The following ACAA2 variants were observed in gnomAD, a reference collection of about 807,000 sequenced individuals.
ACAA2 encodes the protein acetyl-CoA acyltransferase 2, also known as 3-ketoacyl-CoA thiolase, mitochondrial.
In ACAA2, 35 loss-of-function variants were observed where a neutral mutation model predicts 44.8. The ratio of observed to expected loss-of-function variants is 0.78; its 90% confidence interval spans 0.60 to 1.04. The LOEUF (loss-of-function observed/expected upper bound fraction) is 1.04. Ranked by LOEUF, ACAA2 falls within the 50% of genes least tolerant of loss-of-function variation. ACAA2 has a pLI of 0.00. For synonymous variants in ACAA2, 142 were observed against 166.5 expected (o/e 0.85, Z 1.13); for missense variants, 468 against 482.6 (o/e 0.97, Z 0.28).
intron 2 of ACAA2, among the ~76,000 whole-genome samples, chr18:49,800,265 A>T (rs1205512089): frequency 7.7e-6 from 1 of 130,660 alleles, no homozygotes; most frequent in Non-Finnish European, 1.6e-5. Context: ...TCCGGGAGGG[A>T]GGGAGGTGGG....
chr18:49,798,492 A>G (rs2023490769), intron 2 of ACAA2, among the ~76,000 whole-genome samples: 1 of 151,996 alleles, frequency 6.6e-6, no homozygotes, highest in Non-Finnish European at 1.5e-5. Flanking sequence ...AAAAAAACCA[A>G]CAACAACCAA....
At chr18:49,795,718 T>C (rs983464146) in intron 4 of ACAA2, 47 bp downstream of exon 4, 12 of 1,207,154 alleles carry the variant, frequency 9.9e-6, no homozygotes, top group East Asian at 2.5e-5. Flanking sequence ...AAAGTACTTA[T>C]ATAATGCTAA....
chr18:49,796,966 GTA>G (rs10605509), intron 3 of ACAA2, among the ~76,000 whole-genome samples: 95,550 of 150,752 alleles, frequency 0.63, 30,548 homozygotes, highest in Middle Eastern at 0.77. Flanking sequence ...AAATATTGAA[GTA>G]TATATATATA....
At position 49,802,830 on chromosome 18, in the gene ACAA2, G is replaced by A. The variant is rs769900666; in HGVS notation, c.40C>T (p.Arg14Ter). Residue 14 changes from arginine to a stop codon, truncating the protein, a stop_gained, in exon 2 of 10, where the codon CGA becomes TGA. Transcript: ENST00000285093. LOFTEE classifies it high-confidence loss of function. ...CCTCCGTAAGCTCCAAAGGGCGTTC[G>A]CTTAGCAGCAACTACAAACACACCT... ...LRGVFVVAAKRTPFGAYGGLL... is the reference protein window; with the variant it reads ...LRGVFVVAAK 51 of 1,613,834 alleles carry A rather than the reference G, an allele frequency of 3.2e-5. No homozygotes were observed. The highest frequency in any genetic ancestry group is 4.0e-5 in the Non-Finnish European group (47 of 1,179,958).
At chr18:49,804,738 T>G (rs2023593400) in intron 1 of ACAA2, among the ~76,000 whole-genome samples, 1 of 152,204 alleles carries the variant, frequency 6.6e-6, no homozygotes, top group Non-Finnish European at 1.5e-5. Flanking sequence ...GCATCACTAT[T>G]AGTTAAATCG....
Position 49,813,450 on chromosome 18 carries a change from AGG to A in ACAA2, c.16+17_16+18del. Reference sequence around the variant, plus strand: ...CAGGACCCCGAGGGGCGAGGAGAGGAGGAGGGGGCTGCGCTCACCTCGGAGCA... The same window carrying A: ...CAGGACCCCGAGGGGCGAGGAGAGGAAGGGGGCTGCGCTCACCTCGGAGCA... On this transcript the variant is annotated intron_variant, in intron 1 of 9. Coordinates refer to ENST00000285093, the MANE Select transcript of ACAA2 (RefSeq NM_006111.3). The A allele has an allele frequency of 8.1e-7, 1 of 1,240,598 alleles. No individual in the cohort carries two copies. 76.8% of individuals were successfully genotyped at this position (1,240,598 alleles called of 1,614,324 possible). A position where few individuals can be genotyped will look rare whatever the true frequency, so the allele number is the denominator to read the frequency against.
Position 49,795,787 on chromosome 18 carries a change from G to T in ACAA2, c.407C>A (p.Thr136Asn), listed in dbSNP as rs761180171. The change falls in exon 4 of 10, where the codon ACC (threonine) becomes AAC (asparagine). Residue 136 changes from threonine to asparagine, a missense_variant. Transcript: ENST00000285093. The stretch of plus-strand genomic sequence containing the variant: ...AACCTTGATATCTGATCCAAGCTTG[G>T]TTCCAAAACGCACATTTCTGACACA... ...PYCVRNVRFG[T>N]KLGSDIKLED... 1 of 1,606,064 alleles carries T rather than the reference G, an allele frequency of 6.2e-7. No individual in the cohort carries two copies. Among genetic ancestry groups the T allele is most frequent in the South Asian group, 1.1e-5 (1 of 89,458 alleles).
At chr18:49,788,227 C>T (rs987444446) in intron 7 of ACAA2, among the ~76,000 whole-genome samples, 10 of 152,084 alleles carry the variant, frequency 6.6e-5, no homozygotes, top group African/African-American at 1.4e-4. Context: ...ATCTACTTCT[C>T]GACTTGTTCT....
intron 2 of ACAA2, among the ~76,000 whole-genome samples, chr18:49,798,083 C>T (rs2023485887): frequency 2.0e-5 from 3 of 152,108 alleles, no homozygotes; most frequent in African/African-American, 7.2e-5. Flanking sequence ...TGGTTCTCAA[C>T]CTTGGTTGCA....
At chr18:49,807,332 G>A (rs1018992158) in intron 1 of ACAA2, among the ~76,000 whole-genome samples, 1 of 152,178 alleles carries the variant, frequency 6.6e-6, no homozygotes, top group African/African-American at 2.4e-5. Context: ...TCAAGTCACT[G>A]CACTCCAGCC....
intron 8 of ACAA2, among the ~76,000 whole-genome samples, chr18:49,787,071 T>C (rs867464635): frequency 6.6e-6 from 1 of 152,088 alleles, no homozygotes; most frequent in South Asian, 2.1e-4. Context: ...ATCAGGCAGT[T>C]TGAATATTCA....
chr18:49,808,571 C>T (rs2023634841), intron 1 of ACAA2, among the ~76,000 whole-genome samples: 1 of 152,120 alleles, frequency 6.6e-6, no homozygotes, highest in Non-Finnish European at 1.5e-5. Context: ...CCGGGGGTGA[C>T]ATCACATATC....
chr18:49,797,398 G>T, intron 3 of ACAA2, 68 bp downstream of exon 3: 4 of 1,425,562 alleles, frequency 2.8e-6, no homozygotes, highest in Non-Finnish European at 3.8e-6. Context: ...GTGTTATATT[G>T]CAGTGGGACA....
chr18:49,788,524 CTACTGATTTACTACAGG>C (rs1266154319), intron 7 of ACAA2, among the ~76,000 whole-genome samples: 1 of 143,538 alleles, frequency 7.0e-6, no homozygotes, highest in Non-Finnish European at 1.5e-5. Flanking sequence ...TTTACTACAG[CTACTGATTTACTACAGG>C]ATCTGATTCC....
intron 1 of ACAA2, among the ~76,000 whole-genome samples, chr18:49,808,464 G>C (rs1047707042): frequency 6.6e-6 from 1 of 152,136 alleles, no homozygotes; most frequent in Admixed American, 6.5e-5. Flanking sequence ...ATGGGAACCC[G>C]CCCCCCAATA....
rs1476244691 is a variant in ACAA2 at position 49,787,343 on chromosome 18, C to CTGAT, written c.898_901dup (p.Ser301AsnfsTer13). The CTGAT allele has an allele frequency of 1.4e-6, 2 of 1,471,482 alleles. No individual in the cohort carries two copies. The highest frequency in any genetic ancestry group is 1.8e-6 in the Non-Finnish European group (2 of 1,112,910). The allele number at this position is 1,471,482 out of a possible 1,614,324, so 91.2% of individuals were successfully genotyped here. A position where few individuals can be genotyped will look rare whatever the true frequency, so the allele number is the denominator to read the frequency against. On this transcript the variant is annotated frameshift_variant, in exon 8 of 10. Coordinates refer to ENST00000285093, the MANE Select transcript of ACAA2 (RefSeq NM_006111.3). LOFTEE classifies it high-confidence loss of function. ...CAGTCCTGCTTTCTTCAGTGCCCCACTGATAGCAGGGACAGGACCTATATA... is the reference window on the plus strand; with the variant it reads ...CAGTCCTGCTTTCTTCAGTGCCCCACTGATTGATAGCAGGGACAGGACCTATATA...
chr18:49,808,911 C>T (rs904006753), intron 1 of ACAA2, among the ~76,000 whole-genome samples: 1 of 152,102 alleles, frequency 6.6e-6, no homozygotes, highest in African/African-American at 2.4e-5. Flanking sequence ...TACCAAGAAG[C>T]GTTTTTTCCC....
At chr18:49,798,859 C>A (rs1260950401) in intron 2 of ACAA2, among the ~76,000 whole-genome samples, 1 of 151,806 alleles carries the variant, frequency 6.6e-6, no homozygotes, top group Non-Finnish European at 1.5e-5. Flanking sequence ...CACATATCAA[C>A]AGAATAAAAA....
chr18:49,795,662 T>C (rs2023456604), intron 4 of ACAA2, 103 bp downstream of exon 4: 2 of 613,066 alleles, frequency 3.3e-6, no homozygotes, highest in Admixed American at 3.5e-5. Context: ...ATCAACGAAA[T>C]TGGCTTCAAA....
Sources: allele counts gnomAD v4.1 joint callset (sites outside exome capture counted in the v4.1 genomes callset), GRCh38; gene constraint gnomAD v4.1.1; transcripts MANE v1.5; gene names NCBI Gene and HGNC (gene_info 2026-07-23, HGNC 2026-07-21).